Variants in SLC9A7 observed in about 807,000 individuals in gnomAD.
SLC9A7 encodes sodium/hydrogen exchanger 7.
Under a neutral mutation model 52.6 loss-of-function variants are expected in SLC9A7, and 19 were observed. The observed-to-expected ratio is 0.36, with a 90% CI of 0.25 to 0.53. The LOEUF (loss-of-function observed/expected upper bound fraction) is 0.53, where lower values mean the gene tolerates loss of function less well. Among genes scored for constraint, SLC9A7 ranks in the 20% least tolerant of loss-of-function variants. The pLI, the probability that SLC9A7 is intolerant of heterozygous loss-of-function variation, is 0.91. For synonymous variants in SLC9A7, 226 were observed against 252.1 expected (o/e 0.90, Z 0.98); for missense variants, 455 against 597.9 (o/e 0.76, Z 2.49).
chrX:46,662,593 C>G lies in SLC9A7; in HGVS notation c.844G>C (p.Ala282Pro). 1 of 1,210,351 alleles carries G rather than the reference C, an allele frequency of 8.3e-7. No individual in the cohort carries two copies. The highest frequency in any genetic ancestry group is 1.8e-5 in the South Asian group (1 of 56,907). The change falls in exon 6 of 17, where the codon GCA (alanine) becomes CCA (proline). Residue 282 changes from alanine (A) to proline (P), a missense_variant. By Grantham distance (27) the Ala-to-Pro change is conservative. Around this residue, in one of 3 missense-constraint regions of SLC9A7, gnomAD observed 304 missense variants for 417.8 expected, o/e 0.73. Transcript: ENST00000616978. ...NELHADVDLY[A>P]LLFGESVLND... is the part of the protein sequence containing the mutation. ...AGGACGCTCTCTCCAAAAAGAAGTGCGTAAAGATCCACGTCTGCATGCAAT... is the reference window on the plus strand; with the variant it reads ...AGGACGCTCTCTCCAAAAAGAAGTGGGTAAAGATCCACGTCTGCATGCAAT...
chrX:46,611,833 G>A (rs956805541), intron 16 of SLC9A7, among the ~76,000 whole-genome samples: 3 of 111,224 alleles, frequency 2.7e-5, no homozygotes, highest in African/African-American at 9.8e-5. Flanking sequence ...CTCCAATCTC[G>A]GCTGCTCTGA....
At chrX:46,653,557 C>G (rs185096311) in intron 8 of SLC9A7, 52 bp downstream of exon 8, 19 of 887,297 alleles carry the variant, frequency 2.1e-5, no homozygotes, top group Non-Finnish European at 3.1e-5. Flanking sequence ...CAAGTTCCCA[C>G]AGACCCCACT....
intron 1 of SLC9A7, among the ~76,000 whole-genome samples, chrX:46,689,607 GTTC>G (rs758352941): frequency 1.2e-4 from 12 of 102,387 alleles, no homozygotes; most frequent in Admixed American, 6.3e-4. Context: ...TTTTTTTTCA[GTTC>G]TTTTTTTTTT....
At position 46,731,432 on chromosome X, in the gene SLC9A7, T is replaced by TATATA. The variant is rs748259550; in HGVS notation, c.325+27272_325+27273insTATAT. 3.2e-4 allele frequency among the ~76,000 whole-genome samples: 25 copies of TATATA among 78,261 alleles called. 1 individual carries two copies. Among genetic ancestry groups the TATATA allele is most frequent in the East Asian group, 1.9e-3 (5 of 2,577 alleles). The allele number at this position is 78,261 out of a possible 115,157, so 68.0% of individuals were successfully genotyped here. The stretch of plus-strand genomic sequence containing the variant: ...CATAGCCATACTCCATATAAAAAAT[T>TATATA]AAAAAAAATTAAAATTAAAATTAGC... On this transcript the variant is annotated intron_variant, in intron 1 of 16. Transcript: ENST00000616978.
intron 16 of SLC9A7, among the ~76,000 whole-genome samples, chrX:46,607,580 C>T (rs962286340): frequency 1.8e-5 from 2 of 110,999 alleles, no homozygotes; most frequent in Non-Finnish European, 3.8e-5. Flanking sequence ...GTAGGCATTC[C>T]GGGTGGGTCT....
chrX:46,748,972 A>T (rs1194118431), intron 1 of SLC9A7, among the ~76,000 whole-genome samples: 1 of 112,091 alleles, frequency 8.9e-6, no homozygotes, highest in African/African-American at 3.2e-5. Context: ...TACCAAAAAA[A>T]AAATAAACAA....
At chrX:46,683,937 A>G (rs1226535476) in intron 1 of SLC9A7, among the ~76,000 whole-genome samples, 1 of 112,344 alleles carries the variant, frequency 8.9e-6, no homozygotes, top group Non-Finnish European at 1.9e-5. Flanking sequence ...ACCAAGATAT[A>G]TAAGAACTCA....
chrX:46,731,432 T>TATAAAAAAAAAAAAAAA (rs748259550), intron 1 of SLC9A7, among the ~76,000 whole-genome samples: 5 of 78,250 alleles, frequency 6.4e-5, no homozygotes, highest in Non-Finnish European at 1.3e-4. Context: ...TATAAAAAAT[T>TATAAAAAAAAAAAAAAA]AAAAAAAATT....
At chrX:46,717,070 TTGAG>T (rs1383846108) in intron 1 of SLC9A7, among the ~76,000 whole-genome samples, 2 of 112,729 alleles carry the variant, frequency 1.8e-5, no homozygotes, top group African/African-American at 6.4e-5. Flanking sequence ...TGTCCCATTC[TTGAG>T]TAAGTAATCA....
intron 13 of SLC9A7, among the ~76,000 whole-genome samples, chrX:46,634,139 T>C (rs1437409042): frequency 8.9e-6 from 1 of 112,061 alleles, no homozygotes; most frequent in Non-Finnish European, 1.9e-5. Context: ...TGTTTTATTA[T>C]ATCTTATTTT....
chrX:46,628,640 A>G (rs997633808), intron 14 of SLC9A7, among the ~76,000 whole-genome samples: 1 of 112,341 alleles, frequency 8.9e-6, no homozygotes, highest in African/African-American at 3.2e-5. Context: ...CCTTCCCATC[A>G]AATGTCACTT....
At chrX:46,709,384 G>C (rs761256709) in intron 1 of SLC9A7, among the ~76,000 whole-genome samples, 1 of 111,127 alleles carries the variant, frequency 9.0e-6, no homozygotes, top group East Asian at 2.8e-4. Flanking sequence ...TCCAGCATGG[G>C]TGACAGAGTG....
At chrX:46,718,267 C>T (rs1372965064) in intron 1 of SLC9A7, among the ~76,000 whole-genome samples, 1 of 111,637 alleles carries the variant, frequency 9.0e-6, no homozygotes. Context: ...AAACTGGATC[C>T]CTTCCTTACA....
intron 14 of SLC9A7, among the ~76,000 whole-genome samples, chrX:46,627,786 G>T (rs753228284): frequency 8.4e-5 from 9 of 106,970 alleles, no homozygotes; most frequent in South Asian, 4.3e-4. Context: ...GTTGGGGGGG[G>T]GGCGGTGGTC....
rs1462021704 is a variant in SLC9A7 at position 46,657,057 on chromosome X, G to A, written c.1042-3343C>T. 3.7e-5 allele frequency among the ~76,000 whole-genome samples: 4 copies of A among 107,425 alleles called. No individual in the cohort carries two copies. The East Asian group carries it at 8.6e-4, about 23-fold the overall frequency. The allele number at this position is 107,425 out of a possible 115,157, so 93.3% of individuals were successfully genotyped here. A position where few individuals can be genotyped will look rare whatever the true frequency, so the allele number is the denominator to read the frequency against. On this transcript the variant is annotated intron_variant, in intron 7 of 16. Transcript: ENST00000616978. Reference sequence around the variant, plus strand: ...AACTCTACAAGCCAGAAGAGAGTGGGGGCCAATATTCAACATTCTTAAAGA... The same window carrying A: ...AACTCTACAAGCCAGAAGAGAGTGGAGGCCAATATTCAACATTCTTAAAGA...
chrX:46,651,832 G>GAA (rs1211578593), intron 8 of SLC9A7, among the ~76,000 whole-genome samples: 1 of 44,410 alleles, frequency 2.3e-5, no homozygotes, highest in African/African-American at 8.4e-5. Flanking sequence ...TTTCTCAAAA[G>GAA]AAAAAAAAAA....
chrX:46,754,102 CACTA>C (rs1257987783), intron 1 of SLC9A7, among the ~76,000 whole-genome samples: 1 of 111,024 alleles, frequency 9.0e-6, no homozygotes. Flanking sequence ...TCCTCACTTC[CACTA>C]ACTGTGTCCT....
chrX:46,634,466 C>A (rs1165267106), intron 13 of SLC9A7, among the ~76,000 whole-genome samples: 1 of 110,003 alleles, frequency 9.1e-6, no homozygotes, highest in Non-Finnish European at 1.9e-5. Flanking sequence ...AAAAAAAAAA[C>A]CCTGAATGGT....
At chrX:46,738,576 C>G (rs951576428) in intron 1 of SLC9A7, among the ~76,000 whole-genome samples, 1 of 111,663 alleles carries the variant, frequency 9.0e-6, no homozygotes, top group Non-Finnish European at 1.9e-5. Flanking sequence ...TCGAGACCAG[C>G]CTGGCCAACG....
Sources: allele counts gnomAD v4.1 joint callset (sites outside exome capture counted in the v4.1 genomes callset), GRCh38; gene constraint gnomAD v4.1.1; regional missense constraint gnomAD v4.1.1; transcripts MANE v1.5; gene names NCBI Gene and HGNC (gene_info 2026-07-23, HGNC 2026-07-21).